SRP68: variants seen among roughly 807,000 people sequenced by gnomAD.
SRP68 encodes signal recognition particle subunit SRP68.
Under a neutral mutation model 82.2 loss-of-function variants are expected in SRP68, and 15 were observed. That is an observed-to-expected ratio of 0.18 (90% CI 0.12 to 0.28). SRP68 has a LOEUF of 0.28. SRP68 is among the 10% of genes least tolerant of loss of function. SRP68 has a pLI of 1.00. For synonymous variants in SRP68, 261 were observed against 292.6 expected (o/e 0.89, Z 1.10); for missense variants, 595 against 780.5 (o/e 0.76, Z 2.83).
At chr17:76,040,731 G>A (rs2066583393) in intron 14 of SRP68, 172 bp downstream of exon 14, 9 of 692,126 alleles carry the variant, frequency 1.3e-5, no homozygotes, top group Non-Finnish European at 2.0e-5. Flanking sequence ...CAGTGCACTC[G>A]AAATGCTTCT....
rs761887868 is a variant in SRP68, at chr17:76,072,284, T to A, written c.184+24A>T. ...CAGTTCGACACGTAATCATTGCGAG[T>A]TAGGCCCGATTACTCTAGGATACTC... On this transcript the variant is annotated intron_variant, in intron 1 of 15. Coordinates refer to ENST00000307877, the MANE Select transcript of SRP68 (RefSeq NM_014230.4). The surrounding 1 kb of genome is among the most constrained non-coding windows in gnomAD (Gnocchi z 4.5). 2 of 1,607,606 alleles carry A rather than the reference T, an allele frequency of 1.2e-6. No individual in the cohort carries two copies. Among genetic ancestry groups the A allele is most frequent in the African/African-American group, 2.7e-5 (2 of 73,844 alleles).
chr17:76,046,283 G>A lies in SRP68; in HGVS notation c.1143-89C>T, dbSNP rs2066629980. ...ACTACAAGTTGGGGCTGACCCAGAG[G>A]AAGCAGGGGGCGGGTGGGGGCGTGG... On this transcript the variant is annotated intron_variant, in intron 10 of 15. Transcript: ENST00000307877. The A allele has an allele frequency of 2.9e-6, 4 of 1,376,984 alleles. No homozygotes were observed. In the South Asian group the frequency reaches 4.8e-5, roughly 16 times the overall value. The allele number at this position is 1,376,984 out of a possible 1,614,324, so 85.3% of individuals were successfully genotyped here.
rs2066860080 is a variant in SRP68 at position 76,072,361 on chromosome 17, G to A, written c.131C>T (p.Pro44Leu). The change falls in exon 1 of 16, where the codon CCT becomes CTT. Residue 44 changes from proline (P) to leucine (L), a missense_variant. This residue lies in a region of SRP68 where 100 missense variants were observed against 91.9 expected (regional missense o/e 1.09). Transcript: ENST00000307877. The surrounding 1 kb of genome is among the most constrained non-coding windows in gnomAD (Gnocchi z 4.5). ...GGEENKENER[P>L]SAGSKANKEF... is the part of the protein sequence containing the mutation. ...TTTGTTTGCCTTCGATCCGGCCGAA[G>A]GGCGTTCGTTTTCTTTATTTTCTTC... 6.2e-7 allele frequency: 1 copy of A among 1,612,590 alleles called. No individual in the cohort carries two copies. The highest frequency in any genetic ancestry group is 8.5e-7 in the Non-Finnish European group (1 of 1,179,762).
At chr17:76,063,688 A>C (rs553358568) in intron 4 of SRP68, among the ~76,000 whole-genome samples, 74,572 of 139,798 alleles carry the variant, frequency 0.53, 21,750 homozygotes, top group African/African-American at 0.83. Context: ...ACTCTGTCTG[A>C]AAAAAAAAAA....
At chr17:76,057,651 C>T in intron 7 of SRP68, 108 bp from the exon 8 acceptor site, 2 of 1,248,926 alleles carry the variant, frequency 1.6e-6, no homozygotes, top group South Asian at 2.7e-5. Context: ...ACATATTATA[C>T]TCCATAGAAA....
At chr17:76,064,456 T>C (rs979488973) in intron 3 of SRP68, among the ~76,000 whole-genome samples, 1 of 152,162 alleles carries the variant, frequency 6.6e-6, no homozygotes, top group Non-Finnish European at 1.5e-5. Flanking sequence ...CTCCTGAATG[T>C]TGTCAAACAG....
Position 76,062,734 on chromosome 17 carries a change from T to TAAA in SRP68, c.562-1161_562-1160insTTT, listed in dbSNP as rs1567935206. Among the ~76,000 whole-genome samples, 3 of 7,994 alleles carry TAAA rather than the reference T, an allele frequency of 3.8e-4. No individual in the cohort carries two copies. In the African/African-American group the frequency reaches 3.8e-3, roughly 10 times the overall value. The allele number at this position is 7,994 out of a possible 152,430, so 5.2% of individuals were successfully genotyped here. A position where few individuals can be genotyped will look rare whatever the true frequency, so the allele number is the denominator to read the frequency against. On this transcript the variant is annotated intron_variant, in intron 4 of 15. Coordinates refer to ENST00000307877, the MANE Select transcript of SRP68 (RefSeq NM_014230.4). Reference sequence around the variant, plus strand: ...TACAATATATTATATTTATTTTATATATATATATATATATATATATATATA... The same window carrying TAAA: ...TACAATATATTATATTTATTTTATATAAAATATATATATATATATATATATATA...
At chr17:76,050,584 A>G (rs1162034358) in intron 8 of SRP68, 58 bp from the exon 9 acceptor site, 2 of 1,353,926 alleles carry the variant, frequency 1.5e-6, no homozygotes, top group Non-Finnish European at 2.1e-6. Context: ...TAGTCACCTA[A>G]TGGGAGAGGA....
chr17:76,059,090 C>CA (rs1460727333), intron 7 of SRP68, among the ~76,000 whole-genome samples: 3 of 151,388 alleles, frequency 2.0e-5, no homozygotes, highest in African/African-American at 7.3e-5. Flanking sequence ...TACCAAAAAA[C>CA]AAAAAAAAGT....
In SRP68 at chr17:76,070,237, A is replaced by AAAAC. The variant is rs1165913466; in HGVS notation, c.251+140_251+141insGTTT. On this transcript the variant is annotated intron_variant, in intron 2 of 15. Coordinates refer to ENST00000307877, the MANE Select transcript of SRP68 (RefSeq NM_014230.4). ...GACTCCATCTCAAAAAAAAAAAAAA[A>AAAAC]AACAAAGCAAACAAACAAACAAAAA... 1.5e-5 allele frequency: 11 copies of AAAAC among 713,346 alleles called. No individual in the cohort carries two copies. In the Admixed American group the frequency reaches 2.6e-4, roughly 17 times the overall value. The allele number at this position is 713,346 out of a possible 1,614,324, so 44.2% of individuals were successfully genotyped here. A position where few individuals can be genotyped will look rare whatever the true frequency, so the allele number is the denominator to read the frequency against.
At chr17:76,047,086 C>T (rs2066637790) in intron 10 of SRP68, among the ~76,000 whole-genome samples, 1 of 152,098 alleles carries the variant, frequency 6.6e-6, no homozygotes, top group Admixed American at 6.5e-5. Context: ...AGGCAAGGGC[C>T]GCAGGGAGCT....
At chr17:76,053,639 G>A (rs1235656023) in intron 8 of SRP68, 1 of 985,180 alleles carries the variant, frequency 1.0e-6, no homozygotes, top group Non-Finnish European at 1.2e-6. Flanking sequence ...ATCCTAAAAA[G>A]CAATGAAGGA....
At chr17:76,063,045 C>G (rs7219942) in intron 4 of SRP68, among the ~76,000 whole-genome samples, 1 of 150,846 alleles carries the variant, frequency 6.6e-6, no homozygotes, top group African/African-American at 2.4e-5. Context: ...GCTGGGATTA[C>G]AGGCGTGAGC....
At chr17:76,049,424 G>A (rs66565024) in intron 9 of SRP68, 3,105 of 152,316 alleles carry the variant, frequency 0.02, 53 homozygotes, top group Middle Eastern at 0.078. Flanking sequence ...TTACCCAAGT[G>A]TGCGGAGGGA....
At chr17:76,045,475 G>T in intron 11 of SRP68, 89 bp from the exon 12 acceptor site, 1 of 970,818 alleles carries the variant, frequency 1.0e-6, no homozygotes, top group Non-Finnish European at 1.5e-6. Context: ...GGACAAGAGT[G>T]AGGAAAAAAA....
At chr17:76,065,939 G>A (rs1383566324) in intron 3 of SRP68, among the ~76,000 whole-genome samples, 1 of 151,472 alleles carries the variant, frequency 6.6e-6, no homozygotes, top group East Asian at 1.9e-4. Flanking sequence ...CTCTGCTGAT[G>A]TAGCACAAAG....
Position 76,072,414 on chromosome 17 carries a change from ACCG to A in SRP68, c.75_77del (p.Gly26del). The A allele has an allele frequency of 6.3e-7, 1 of 1,580,614 alleles. No homozygotes were observed. Among genetic ancestry groups the A allele is most frequent in the South Asian group, 1.1e-5 (1 of 90,414 alleles). ...CTCCGGCACCACGTCCACCGCCGCT[ACCG>A]CCGCCGCCACTGCCACCGCCGCCGC... On this transcript the variant is annotated inframe_deletion, in exon 1 of 16. Transcript: ENST00000307877. The surrounding 1 kb of genome is among the most constrained non-coding windows in gnomAD (Gnocchi z 4.5).
rs372152760 is a variant in SRP68, at chr17:76,060,385, G to A, written c.760C>T (p.Gln254Ter). ...TGCATGAGTTCATTGATGGCTGACT[G>A]GTCCCCTAAGAGAGAAAGACAGGAA... is the stretch of plus-strand genomic sequence containing the variant. ...IRYCAYNIGD[Q>*]SAINELMQMR... Residue 254 changes from glutamine (Q) to a stop codon, truncating the protein, a stop_gained, in exon 7 of 16, where the codon CAG becomes TAG. Transcript: ENST00000307877. LOFTEE classifies it high-confidence loss of function. 10 of 1,611,618 alleles carry A rather than the reference G, an allele frequency of 6.2e-6. No individual in the cohort carries two copies. The highest frequency in any genetic ancestry group is 8.5e-6 in the Non-Finnish European group (10 of 1,179,130).
At chr17:76,070,880 A>ACACAC (rs59945931) in intron 1 of SRP68, among the ~76,000 whole-genome samples, 1 of 151,050 alleles carries the variant, frequency 6.6e-6, no homozygotes, top group South Asian at 2.1e-4. Context: ...ACACACACAC[A>ACACAC]AATTTGTGAA....
Sources: allele counts gnomAD v4.1 joint callset (sites outside exome capture counted in the v4.1 genomes callset), GRCh38; gene constraint gnomAD v4.1.1; regional missense constraint gnomAD v4.1.1; non-coding constraint Gnocchi (gnomAD v3.1); transcripts MANE v1.5; gene names NCBI Gene and HGNC (gene_info 2026-07-23, HGNC 2026-07-21).